The following STRA6 variants were observed in gnomAD, a reference collection of about 807,000 sequenced individuals.
STRA6 encodes the protein receptor for retinol uptake STRA6.
Under a neutral mutation model 83.6 loss-of-function variants are expected in STRA6, and 48 were observed. That is an observed-to-expected ratio of 0.57 (90% CI 0.46 to 0.73). The LOEUF (loss-of-function observed/expected upper bound fraction) is 0.73. Among genes scored for constraint, STRA6 ranks in the 30% least tolerant of loss-of-function variants. The pLI is 0.00. For missense variants in STRA6, 760 were observed against 838.8 expected (o/e 0.91, Z 1.16); for synonymous variants, 353 against 362.3 (o/e 0.97, Z 0.29).
chr15:74,205,349 G>A (rs964866070), upstream of STRA6, among the ~76,000 whole-genome samples: 1 of 152,242 alleles, frequency 6.6e-6, no homozygotes, highest in African/African-American at 2.4e-5. Context: ...ACCAGCATCA[G>A]CTTCTGGGGA....
Position 74,193,810 on chromosome 15 carries a change from G to A in STRA6, c.710C>T (p.Ala237Val). ...GGCCTGCCCCTTTACCTTGGAGCCT[G>A]CTCCTGTCCTACGGCTGAAGCTTCT... is the stretch of plus-strand genomic sequence containing the variant. ...LVRSFSRRTGAGSKGLQSSYS... is the reference protein window; with the variant it reads ...LVRSFSRRTGVGSKGLQSSYS... Residue 237 changes from alanine to valine, a missense_variant, in exon 8 of 19, where the codon GCA (alanine) becomes GTA (valine). Ala to Val is a moderately conservative substitution (Grantham distance 64). Coordinates refer to ENST00000395105, the MANE Select transcript of STRA6 (RefSeq NM_022369.4). The A allele has an allele frequency of 1.2e-6, 2 of 1,613,800 alleles. No individual in the cohort carries two copies. Among genetic ancestry groups the A allele is most frequent in the Non-Finnish European group, 1.7e-6 (2 of 1,179,764 alleles).
In STRA6 at chr15:74,202,275, C is replaced by T. The variant is rs1337508877; in HGVS notation, c.-8G>A. On this transcript the variant is annotated 5_prime_UTR_variant, in exon 2 of 19. Coordinates refer to ENST00000395105, the MANE Select transcript of STRA6 (RefSeq NM_022369.4). ...TGCTGGCTGGGACGACATTCTCTGG[C>T]CCTTCTCCTTTGACCCCAGGCGAGA... 1 of 1,551,106 alleles carries T rather than the reference C, an allele frequency of 6.4e-7. No individual in the cohort carries two copies. The highest frequency in any genetic ancestry group is 8.7e-7 in the Non-Finnish European group (1 of 1,154,958).
upstream of STRA6, among the ~76,000 whole-genome samples, chr15:74,206,816 C>T (rs1178195788): frequency 2.0e-5 from 3 of 152,248 alleles, no homozygotes; most frequent in African/African-American, 4.8e-5. Flanking sequence ...GCATAAGGGT[C>T]AGGGCAGGGC....
At chr15:74,203,288 C>A (rs2074167769), upstream of STRA6, 2 of 863,444 alleles carry the variant, frequency 2.3e-6, no homozygotes, top group Non-Finnish European at 2.8e-6. Context: ...AAACACAAAC[C>A]AGACCCACGG....
intron 8 of STRA6, 26 bp from the exon 9 acceptor site, chr15:74,191,517 C>A: frequency 1.2e-6 from 2 of 1,605,666 alleles, no homozygotes; most frequent in Non-Finnish European, 1.7e-6. Flanking sequence ...ATTGAACAAG[C>A]AGATGAGATC....
At chr15:74,202,317 A>G in intron 1 of STRA6, 35 bp from the exon 2 acceptor site, 1 of 1,580,514 alleles carries the variant, frequency 6.3e-7, no homozygotes, top group Non-Finnish European at 8.6e-7. Flanking sequence ...AAAAGCCACT[A>G]CAGATGTGAA....
chr15:74,185,757 C>T (rs1455393237), intron 12 of STRA6, among the ~76,000 whole-genome samples: 1 of 152,234 alleles, frequency 6.6e-6, no homozygotes, highest in African/African-American at 2.4e-5. Context: ...ACAGCAACCC[C>T]GCAAGGTTAG....
At chr15:74,210,447 C>A (rs1018452659), upstream of STRA6, among the ~76,000 whole-genome samples, 1 of 152,140 alleles carries the variant, frequency 6.6e-6, no homozygotes, top group Non-Finnish European at 1.5e-5. Context: ...ATACATAAAT[C>A]GTGATCTCAT....
rs2073401013 is a variant in STRA6 at position 74,189,109 on chromosome 15, C to A, written c.1090+6G>T. 1.2e-6 allele frequency: 2 copies of A among 1,613,868 alleles called. No homozygotes were observed. Among genetic ancestry groups the A allele is most frequent in the African/African-American group, 1.3e-5 (1 of 74,932 alleles). On this transcript the variant is annotated splice_donor_region_variant and intron_variant, in intron 12 of 18. Transcript: ENST00000395105. ...GCAGCCCTCAGGGGCTCCCTGGAGG[C>A]CTCACCTTCCAGAGCCCACAGATGG...
rs570326284 is a variant in STRA6, at chr15:74,187,568, A to C, written c.1090+1547T>G. Reference sequence around the variant, plus strand: ...GTGAGTGATGCCAGGCTTATGGTCCAAGTGCTGGGTGGCAGTCCTAACAGA... The same window carrying C: ...GTGAGTGATGCCAGGCTTATGGTCCCAGTGCTGGGTGGCAGTCCTAACAGA... On this transcript the variant is annotated intron_variant, in intron 12 of 18. Transcript: ENST00000395105. Among the ~76,000 whole-genome samples, 5 of 152,098 alleles carry C rather than the reference A, an allele frequency of 3.3e-5. No individual in the cohort carries two copies. The East Asian group carries it at 9.6e-4, about 29-fold the overall frequency.
chr15:74,181,532 T>A, intron 16 of STRA6, 74 bp from the exon 17 acceptor site: 1 of 1,561,678 alleles, frequency 6.4e-7, no homozygotes, highest in Non-Finnish European at 8.7e-7. Flanking sequence ...CAGACCTGGA[T>A]GCCCAGAACT....
At chr15:74,187,124 G>A (rs944261440) in intron 12 of STRA6, among the ~76,000 whole-genome samples, 1 of 152,302 alleles carries the variant, frequency 6.6e-6, no homozygotes, top group East Asian at 1.9e-4. Context: ...TGAACAGCCC[G>A]CCTGCTGAGC....
chr15:74,185,700 G>A (rs1284087749), intron 12 of STRA6, among the ~76,000 whole-genome samples: 1 of 152,250 alleles, frequency 6.6e-6, no homozygotes, highest in Non-Finnish European at 1.5e-5. Flanking sequence ...GGTGCAGGCT[G>A]CAACTCTCCC....
rs2277608 is a variant in STRA6, at chr15:74,183,999, G to C, written c.1167-10C>G. ...AGCTCGAAGGTTGGTCCTGGGGTGG[G>C]AGCCAGGGAGGCAGAGACCTCAGGG... On this transcript the variant is annotated splice_polypyrimidine_tract_variant and intron_variant, in intron 13 of 18. Transcript: ENST00000395105. 0.16 allele frequency: 260,212 copies of C among 1,612,048 alleles called. 23,597 individuals carry two copies. The highest frequency in any genetic ancestry group is 0.36 in the East Asian group (15,929 of 44,838).
rs1041500111 is a variant in STRA6, at chr15:74,188,181, C to G, written c.1090+934G>C. 6.6e-6 allele frequency among the ~76,000 whole-genome samples: 1 copy of G among 152,172 alleles called. No individual in the cohort carries two copies. Among genetic ancestry groups the G allele is most frequent in the East Asian group, 1.9e-4 (1 of 5,190 alleles). On this transcript the variant is annotated intron_variant, in intron 12 of 18. Transcript: ENST00000395105. The surrounding 1 kb of genome is among the most constrained non-coding windows in gnomAD (Gnocchi z 4.5). ...TCACTCCGTGCACCTCTGCCCACCC[C>G]CCACTCCCTGCCCCGCCATGACCAG...
At position 74,194,695 on chromosome 15, in the gene STRA6, T is replaced by A. The variant is rs351224; in HGVS notation, c.597+607A>T. The A allele has an allele frequency of 0.46, 501,939 of 1,090,198 alleles. 116,914 individuals carry two copies. Among genetic ancestry groups the A allele is most frequent in the Admixed American group, 0.62 (16,287 of 26,366 alleles). 67.5% of individuals were successfully genotyped at this position (1,090,198 alleles called of 1,614,324 possible). The stretch of plus-strand genomic sequence containing the variant: ...ATAGCTGTAGTCCAGTGCCTGGAAA[T>A]GTCCCTGGTACAAAGTATGTGCTTC... On this transcript the variant is annotated intron_variant, in intron 7 of 18. Transcript: ENST00000395105.
At chr15:74,197,151 C>G (rs1007058880) in intron 4 of STRA6, among the ~76,000 whole-genome samples, 187 bp downstream of exon 4, 5 of 152,122 alleles carry the variant, frequency 3.3e-5, no homozygotes, top group Admixed American at 6.5e-5. Context: ...GTCCCTCCCC[C>G]TTCCTCTGGG....
intron 16 of STRA6, 120 bp from the exon 17 acceptor site, chr15:74,181,578 A>G: frequency 1.5e-6 from 2 of 1,368,346 alleles, no homozygotes; most frequent in Non-Finnish European, 2.0e-6. Flanking sequence ...ATTTATTGCT[A>G]TGTCTTCTGT....
chr15:74,211,142 C>T (rs182343625), upstream of STRA6, among the ~76,000 whole-genome samples: 54 of 52,890 alleles, frequency 1.0e-3, no homozygotes, highest in East Asian at 6.3e-4. Flanking sequence ...CCCACCACTA[C>T]GCACGCACAC....
Sources: allele counts gnomAD v4.1 joint callset (sites outside exome capture counted in the v4.1 genomes callset), GRCh38; gene constraint gnomAD v4.1.1; non-coding constraint Gnocchi (gnomAD v3.1); transcripts MANE v1.5; gene names NCBI Gene and HGNC (gene_info 2026-07-23, HGNC 2026-07-21).